The following DGKA variants were observed in gnomAD, a reference collection of about 807,000 sequenced individuals.
DGKA encodes 80 kDa diacylglycerol kinase.
A neutral mutation model predicts 105.0 loss-of-function variants in DGKA; 35 were observed. That is an observed-to-expected ratio of 0.33 (90% CI 0.25 to 0.44). The LOEUF (loss-of-function observed/expected upper bound fraction) is 0.44. Among genes scored for constraint, DGKA ranks in the 20% least tolerant of loss-of-function variants. The pLI is 1.00. For missense variants in DGKA, 665 were observed against 915.0 expected, an observed-to-expected ratio of 0.73 and a Z score of 3.53; for synonymous variants, 296 against 332.0, an observed-to-expected ratio of 0.89 and a Z score of 1.18.
At chr12:55,947,373 A>G (rs1010737303) in intron 17 of DGKA, among the ~76,000 whole-genome samples, 3 of 152,154 alleles carry the variant, frequency 2.0e-5, no homozygotes, top group African/African-American at 7.2e-5. Context: ...TTTCATATAC[A>G]TGTGCCAAGA....
chr12:55,945,275 G>A (rs933283096), intron 17 of DGKA, among the ~76,000 whole-genome samples: 19 of 152,138 alleles, frequency 1.2e-4, no homozygotes, highest in Non-Finnish European at 2.8e-4. Flanking sequence ...CTGCTCCTAG[G>A]TGGTAATTGA....
At chr12:55,941,711 C>A in intron 15 of DGKA, 127 bp downstream of exon 15, 1 of 1,005,198 alleles carries the variant, frequency 9.9e-7, no homozygotes, top group East Asian at 2.5e-5. Flanking sequence ...GGCCAGAATT[C>A]AGAATATTTC....
At chr12:55,938,395 T>C in intron 5 of DGKA, 116 bp from the exon 6 acceptor site, 4 of 1,337,538 alleles carry the variant, frequency 3.0e-6, no homozygotes, top group Non-Finnish European at 4.2e-6. Flanking sequence ...CATCCCAGGC[T>C]CTAGGCTTCT....
intron 17 of DGKA, among the ~76,000 whole-genome samples, chr12:55,945,760 T>A (rs1886858500): frequency 6.6e-6 from 1 of 152,092 alleles, no homozygotes; most frequent in South Asian, 2.1e-4. Flanking sequence ...ACCACCCAGA[T>A]GATCCAGTAT....
chr12:55,952,195 TC>T lies in DGKA; in HGVS notation c.1652+97del. 6.4e-7 allele frequency: 1 copy of T among 1,552,800 alleles called. No individual in the cohort carries two copies. The highest frequency in any genetic ancestry group is 1.1e-5 in the South Asian group (1 of 89,600). On this transcript the variant is annotated intron_variant, in intron 19 of 23. Coordinates refer to ENST00000331886, the MANE Select transcript of DGKA (RefSeq NM_001345.5). This position sits in a 1 kb window ranked among gnomAD's most constrained non-coding sequence, Gnocchi z 5.1. ...GATTGCTCAGAAGAACAGTGGCACC[TC>T]TAGGAGGTCCCCCCAACCAAAGCCA...
At chr12:55,950,850 A>G (rs1334244191) in intron 17 of DGKA, among the ~76,000 whole-genome samples, 3 of 152,160 alleles carry the variant, frequency 2.0e-5, no homozygotes, top group Admixed American at 6.6e-5. Flanking sequence ...AGAGGCTACC[A>G]TGTCCGTCTA....
chr12:55,940,138 A>G lies in DGKA; in HGVS notation c.766A>G (p.Ser256Gly). The change falls in exon 10 of 24, where the codon AGC becomes GGC. Residue 256 changes from serine (S) to glycine (G), a missense_variant. Around this residue, in one of 3 missense-constraint regions of DGKA, gnomAD observed 504 missense variants for 681.2 expected, o/e 0.74. Coordinates refer to ENST00000331886, the MANE Select transcript of DGKA (RefSeq NM_001345.5). The surrounding 1 kb of genome is among the most constrained non-coding windows in gnomAD (Gnocchi z 4.3). Reference sequence around the variant, plus strand: ...CATGAAAGCCCTGCCTTGTGAAGTCAGCACCTATGCCAAGTCTCGGAAGGA... The same window carrying G: ...CATGAAAGCCCTGCCTTGTGAAGTCGGCACCTATGCCAAGTCTCGGAAGGA... ...CAMKALPCEV[S>G]TYAKSRKDIG... 1 of 1,614,232 alleles carries G rather than the reference A, an allele frequency of 6.2e-7. No individual in the cohort carries two copies. Among genetic ancestry groups the G allele is most frequent in the Non-Finnish European group, 8.5e-7 (1 of 1,180,040 alleles).
At position 55,939,445 on chromosome 12, in the gene DGKA, A is replaced by G; in HGVS notation, c.625A>G (p.Arg209Gly). 1 of 1,614,176 alleles carries G rather than the reference A, an allele frequency of 6.2e-7. No homozygotes were observed. Among genetic ancestry groups the G allele is most frequent in the South Asian group, 1.1e-5 (1 of 91,082 alleles). ...TLKDDGQHMW[R>G]PKRFPRPVYC... is the part of the protein sequence containing the mutation. The stretch of plus-strand genomic sequence containing the variant: ...GAAGGACGACGGACAGCACATGTGG[A>G]GGCCCAAGAGGTTCCCCAGACCAGT... Residue 209 changes from arginine to glycine, a missense_variant, in exon 9 of 24, where the codon AGG (arginine) becomes GGG (glycine). Coordinates refer to ENST00000331886, the MANE Select transcript of DGKA (RefSeq NM_001345.5).
upstream of DGKA, chr12:55,927,702 G>C: frequency 5.2e-6 from 8 of 1,539,396 alleles, no homozygotes; most frequent in Non-Finnish European, 7.0e-6. Context: ...CGTGCAAGGC[G>C]GAGGGCGCCG....
At chr12:55,937,384 G>A in intron 3 of DGKA, 24 bp from the exon 4 acceptor site, 1 of 1,611,408 alleles carries the variant, frequency 6.2e-7, no homozygotes, top group Admixed American at 1.7e-5. Flanking sequence ...AGACTCCCCA[G>A]GATAATGCTC....
upstream of DGKA, chr12:55,930,384 T>TA (rs1555182559): frequency 4.7e-5 from 7 of 147,400 alleles, no homozygotes; most frequent in African/African-American, 7.7e-5. Flanking sequence ...TTTTTTTTTT[T>TA]AGACAGAGTT....
chr12:55,937,481 G>A lies in DGKA; in HGVS notation c.212G>A (p.Ser71Asn). ...GTGGATAATGTTCCCAGACACCTAA[G>A]CCTGGCACTGTTTCAATCCTTTGAG... is the stretch of plus-strand genomic sequence containing the variant. ...LEVDNVPRHLSLALFQSFETG... is the reference protein window; with the variant it reads ...LEVDNVPRHLNLALFQSFETG... The change falls in exon 4 of 24, where the codon AGC becomes AAC. Residue 71 changes from serine (S) to asparagine (N), a missense_variant. Ser to Asn is a conservative substitution (Grantham distance 46). This residue lies in a region of DGKA where 504 missense variants were observed against 681.2 expected (regional missense o/e 0.74). Transcript: ENST00000331886. The A allele has an allele frequency of 6.2e-7, 1 of 1,614,158 alleles. No individual in the cohort carries two copies.
chr12:55,951,560 G>A, intron 17 of DGKA, 63 bp from the exon 18 acceptor site: 1 of 1,542,088 alleles, frequency 6.5e-7, no homozygotes, highest in Non-Finnish European at 8.8e-7. Flanking sequence ...GTGGAGCTGG[G>A]AGCTGAGAAG....
At position 55,944,016 on chromosome 12, in the gene DGKA, C is replaced by T. The variant is rs534578566; in HGVS notation, c.1426+1753C>T. The stretch of plus-strand genomic sequence containing the variant: ...AGCACTAATGAAAATGTATGTTGGG[C>T]TGGGCACGGTGGCTGATTCCTGTAA... On this transcript the variant is annotated intron_variant, in intron 17 of 23. Transcript: ENST00000331886. 1.7e-3 allele frequency among the ~76,000 whole-genome samples: 256 copies of T among 152,246 alleles called. 4 individuals are homozygous for T. Among genetic ancestry groups the T allele is most frequent in the African/African-American group, 6.0e-3 (251 of 41,534 alleles).
upstream of DGKA, chr12:55,928,020 G>C: frequency 1.9e-6 from 1 of 530,242 alleles, no homozygotes; most frequent in Middle Eastern, 4.8e-4. Flanking sequence ...CCAATAATCC[G>C]GTCCCGTAGT....
chr12:55,927,722 C>T, upstream of DGKA: 2 of 1,539,866 alleles, frequency 1.3e-6, no homozygotes, highest in East Asian at 2.4e-5. Context: ...GCGGGTCGGT[C>T]ACCTGTCTCC....
chr12:55,929,846 T>C (rs1243489668), upstream of DGKA: 2 of 152,218 alleles, frequency 1.3e-5, no homozygotes, highest in Non-Finnish European at 2.9e-5. Context: ...TTCCACCTTA[T>C]TCCTTATTCG....
rs1405178664 is a variant in DGKA at position 55,938,030 on chromosome 12, T to C, written c.327T>C (p.Gly109=). Residue 109 remains glycine, a synonymous_variant, in exon 5 of 24, where the codon GGT becomes GGC. Coordinates refer to ENST00000331886, the MANE Select transcript of DGKA (RefSeq NM_001345.5). ...VSCYFSLLEG[G]RPEDKLEFTF... ...GCTACTTTTCCCTTCTGGAGGGTGG[T>C]CGGCCAGAAGACAAGTTAGAATGTG... The C allele has an allele frequency of 6.2e-7, 1 of 1,614,012 alleles. No individual in the cohort carries two copies. Among genetic ancestry groups the C allele is most frequent in the Non-Finnish European group, 8.5e-7 (1 of 1,180,024 alleles).
chr12:55,947,074 C>T (rs1887191708), intron 17 of DGKA, among the ~76,000 whole-genome samples: 1 of 151,250 alleles, frequency 6.6e-6, no homozygotes. Flanking sequence ...CAACCTCCAC[C>T]TCCCGGGTTC....
Sources: gnomAD v4.1 joint callset for allele counts (sites outside exome capture counted in the v4.1 genomes callset) on GRCh38, gnomAD v4.1.1 for gene constraint, gnomAD v4.1.1 regional missense constraint, Gnocchi (gnomAD v3.1) non-coding constraint, MANE v1.5 for transcripts, NCBI Gene and HGNC (gene_info 2026-07-23, HGNC 2026-07-21) for gene names.